EMILIN2: variants seen among roughly 807,000 people sequenced by gnomAD.
EMILIN2 encodes the protein EMILIN-2.
EMILIN2 carries 71 observed loss-of-function variants against 87.1 expected under a neutral mutation model. The ratio of observed to expected loss-of-function variants is 0.82; its 90% confidence interval spans 0.67 to 0.99. The LOEUF is 0.99. Among genes scored for constraint, EMILIN2 ranks in the 50% least tolerant of loss-of-function variants. EMILIN2 has a pLI of 0.00. For missense variants in EMILIN2, 1,407 were observed against 1,371.8 expected (o/e 1.03, Z -0.40); for synonymous variants, 581 against 563.4 (o/e 1.03, Z -0.44).
chr18:2,859,226 T>G (rs1228397799), intron 2 of EMILIN2, among the ~76,000 whole-genome samples: 1 of 152,064 alleles, frequency 6.6e-6, no homozygotes, highest in Non-Finnish European at 1.5e-5. Flanking sequence ...CAAGCCAATA[T>G]CTATTATTTT....
chr18:2,859,931 GC>G (rs1360460481), intron 2 of EMILIN2, among the ~76,000 whole-genome samples: 1 of 152,112 alleles, frequency 6.6e-6, no homozygotes, highest in African/African-American at 2.4e-5. Flanking sequence ...TGGTCTATGT[GC>G]CTATTTTTAT....
intron 4 of EMILIN2, among the ~76,000 whole-genome samples, chr18:2,895,937 G>T (rs77033241): frequency 0.026 from 3,952 of 152,258 alleles, 65 homozygotes; most frequent in Non-Finnish European, 0.035. Flanking sequence ...TAAGCAGATC[G>T]CCAGACCGGG....
chr18:2,906,934 G>A lies in EMILIN2; in HGVS notation c.2511G>A (p.Gln837=). ...GGCCCCCCGAGGAGAGGCCGCCCCAGCCGCCAGGCTCCACCGGGGTCATCG... is the reference window on the plus strand; with the variant it reads ...GGCCCCCCGAGGAGAGGCCGCCCCAACCGCCAGGCTCCACCGGGGTCATCG... ...PQRPPEERPP[Q]PPGSTGVIAE... Residue 837 remains glutamine, a synonymous_variant, in exon 5 of 8, where the codon CAG becomes CAA. Coordinates refer to ENST00000254528, the MANE Select transcript of EMILIN2 (RefSeq NM_032048.3). The A allele has an allele frequency of 7.2e-7, 1 of 1,398,016 alleles. No individual in the cohort carries two copies. The highest frequency in any genetic ancestry group is 1.5e-5 in the South Asian group (1 of 65,618). The allele number at this position is 1,398,016 out of a possible 1,614,324, so 86.6% of individuals were successfully genotyped here. A position where few individuals can be genotyped will look rare whatever the true frequency, so the allele number is the denominator to read the frequency against.
chr18:2,913,474 T>G lies in EMILIN2; in HGVS notation c.*70T>G. The G allele has an allele frequency of 7.8e-7, 1 of 1,286,964 alleles. No individual in the cohort carries two copies. The highest frequency in any genetic ancestry group is 2.5e-5 in the Admixed American group (1 of 39,460). 79.7% of individuals were successfully genotyped at this position (1,286,964 alleles called of 1,614,324 possible). On this transcript the variant is annotated 3_prime_UTR_variant, in exon 8 of 8. Transcript: ENST00000254528. ...CTCTAAAGCTTTAATATATTCGGTTTGTATGTAATGGAAGCACGGGGCTAG... is the reference window on the plus strand; with the variant it reads ...CTCTAAAGCTTTAATATATTCGGTTGGTATGTAATGGAAGCACGGGGCTAG...
At chr18:2,912,437 T>G (rs923407697) in intron 7 of EMILIN2, among the ~76,000 whole-genome samples, 10 of 152,114 alleles carry the variant, frequency 6.6e-5, no homozygotes, top group African/African-American at 2.4e-4. Context: ...AGCCCGTGAG[T>G]GATGGCCATT....
intron 2 of EMILIN2, among the ~76,000 whole-genome samples, chr18:2,875,398 G>A (rs1006676454): frequency 1.3e-5 from 2 of 152,206 alleles, no homozygotes; most frequent in Admixed American, 1.3e-4. Flanking sequence ...CCAGTGTTCT[G>A]TGATTCTGCC....
chr18:2,863,543 T>C, intron 2 of EMILIN2, among the ~76,000 whole-genome samples: 1 of 151,464 alleles, frequency 6.6e-6, no homozygotes, highest in East Asian at 1.9e-4. Flanking sequence ...AGTGAGTTTC[T>C]TAATCCTGAG....
In EMILIN2 at chr18:2,888,576, A is replaced by G. The variant is rs369441941; in HGVS notation, c.434-1985A>G. Among the ~76,000 whole-genome samples, 110 of 152,056 alleles carry G rather than the reference A, an allele frequency of 7.2e-4. No homozygotes were observed. The East Asian group carries it at 0.012, about 16-fold the overall frequency. On this transcript the variant is annotated intron_variant, in intron 3 of 7. Coordinates refer to ENST00000254528, the MANE Select transcript of EMILIN2 (RefSeq NM_032048.3). ...CAAAAATACAAAAAATTAGCCGGGC[A>G]TGGTGGTGGGCACCTGTAGTCCCAG...
At chr18:2,908,157 C>T (rs2076923616) in intron 5 of EMILIN2, among the ~76,000 whole-genome samples, 1 of 152,228 alleles carries the variant, frequency 6.6e-6, no homozygotes, top group African/African-American at 2.4e-5. Context: ...CACTTATCTT[C>T]TGTTAGTTCC....
intron 5 of EMILIN2, among the ~76,000 whole-genome samples, 163 bp from the exon 6 acceptor site, chr18:2,908,780 C>G (rs920927797): frequency 6.6e-6 from 1 of 152,180 alleles, no homozygotes; most frequent in African/African-American, 2.4e-5. Flanking sequence ...TGTGCCTCTG[C>G]TTGAAGGAGG....
At chr18:2,889,862 C>T (rs2144035202) in intron 3 of EMILIN2, among the ~76,000 whole-genome samples, 1 of 152,222 alleles carries the variant, frequency 6.6e-6, no homozygotes, top group South Asian at 2.1e-4. Flanking sequence ...CGTAGTGAAT[C>T]TTACTATATA....
intron 2 of EMILIN2, among the ~76,000 whole-genome samples, chr18:2,878,701 C>A (rs8098452): frequency 0.58 from 88,107 of 151,696 alleles, 26,036 homozygotes; most frequent in East Asian, 0.87. Context: ...CAGTTCTTCC[C>A]CCCTGCCTGG....
At chr18:2,873,910 T>C (rs1201198801) in intron 2 of EMILIN2, among the ~76,000 whole-genome samples, 1 of 152,038 alleles carries the variant, frequency 6.6e-6, no homozygotes, top group African/African-American at 2.4e-5. Flanking sequence ...CTGCGCTAGC[T>C]CTCTGAACCA....
intron 2 of EMILIN2, among the ~76,000 whole-genome samples, chr18:2,869,512 G>A (rs1004162814): frequency 4.6e-5 from 7 of 152,232 alleles, no homozygotes; most frequent in East Asian, 1.9e-4. Context: ...TGTAAATAGA[G>A]TCATACAGGT....
chr18:2,894,122 A>G lies in EMILIN2; in HGVS notation c.2359+1636A>G, dbSNP rs908040857. Among the ~76,000 whole-genome samples the G allele has an allele frequency of 2.0e-5, 3 of 152,018 alleles. No individual in the cohort carries two copies. Among genetic ancestry groups the G allele is most frequent in the African/African-American group, 7.3e-5 (3 of 41,366 alleles). The stretch of plus-strand genomic sequence containing the variant: ...TTTCATGGCCTCTGTGAACCTTGGG[A>G]TTTTATGATCAAGTCCCAGATGAGA... On this transcript the variant is annotated intron_variant, in intron 4 of 7. Transcript: ENST00000254528. The surrounding 1 kb of genome is among the most constrained non-coding windows in gnomAD (Gnocchi z 5.0).
chr18:2,892,634 G>A (rs1416623448), intron 4 of EMILIN2, 148 bp downstream of exon 4: 4 of 1,137,132 alleles, frequency 3.5e-6, no homozygotes, highest in Non-Finnish European at 3.6e-6. Flanking sequence ...GACAGTTCAC[G>A]GAATGAACTA....
In EMILIN2 at chr18:2,847,886, A is replaced by T; in HGVS notation, c.212A>T (p.Gln71Leu). ...GGAAGTGAGAGTTTTATTCAGGCTC[A>T]GTACAACTGTGCCTGGAACCAGATG... is the stretch of plus-strand genomic sequence containing the variant. ...LEGSESFIQA[Q>L]YNCAWNQMPC... Residue 71 changes from glutamine (Q) to leucine (L), a missense_variant, in exon 2 of 8, where the codon CAG becomes CTG. Physicochemically the swap from Gln to Leu is moderately radical, Grantham distance 113 (BLOSUM62 -2). Coordinates refer to ENST00000254528, the MANE Select transcript of EMILIN2 (RefSeq NM_032048.3). This position sits in a 1 kb window ranked among gnomAD's most constrained non-coding sequence, Gnocchi z 4.5. 1 of 1,612,876 alleles carries T rather than the reference A, an allele frequency of 6.2e-7. No homozygotes were observed. Among genetic ancestry groups the T allele is most frequent in the Non-Finnish European group, 8.5e-7 (1 of 1,179,424 alleles).
intron 2 of EMILIN2, among the ~76,000 whole-genome samples, chr18:2,875,494 C>T (rs771935452): frequency 1.7e-5 from 2 of 116,690 alleles, no homozygotes; most frequent in Non-Finnish European, 3.5e-5. Flanking sequence ...CAGCAATGGC[C>T]CTCCCCAAAA....
In EMILIN2 at chr18:2,906,984, C is replaced by T; in HGVS notation, c.2561C>T (p.Pro854Leu). The T allele has an allele frequency of 7.2e-7, 1 of 1,387,486 alleles. No homozygotes were observed. Among genetic ancestry groups the T allele is most frequent in the South Asian group, 1.6e-5 (1 of 62,766 alleles). The allele number at this position is 1,387,486 out of a possible 1,614,324, so 85.9% of individuals were successfully genotyped here. A position where few individuals can be genotyped will look rare whatever the true frequency, so the allele number is the denominator to read the frequency against. The change falls in exon 5 of 8, where the codon CCC becomes CTC. Residue 854 changes from proline (P) to leucine (L), a missense_variant. Transcript: ENST00000254528. ...GCGGAGACGGGCCAGGCCGGGCCCCCCGCAGGCGCAGGCGTGTCTGGGCGG... is the reference window on the plus strand; with the variant it reads ...GCGGAGACGGGCCAGGCCGGGCCCCTCGCAGGCGCAGGCGTGTCTGGGCGG... ...VIAETGQAGP[P>L]AGAGVSGRGL...
Sources: allele counts gnomAD v4.1 joint callset (sites outside exome capture counted in the v4.1 genomes callset), GRCh38; gene constraint gnomAD v4.1.1; non-coding constraint Gnocchi (gnomAD v3.1); transcripts MANE v1.5; gene names NCBI Gene and HGNC (gene_info 2026-07-23, HGNC 2026-07-21).